Variants in SESTD1 observed in about 807,000 individuals in gnomAD.
SESTD1 encodes SEC14 domain and spectrin repeat-containing protein 1.
Under a neutral mutation model 101.7 loss-of-function variants are expected in SESTD1, and 43 were observed. That is an observed-to-expected ratio of 0.42 (90% CI 0.33 to 0.55). The LOEUF is 0.55. Among genes scored for constraint, SESTD1 ranks in the 20% least tolerant of loss-of-function variants. The pLI is 0.07. For missense variants in SESTD1, 647 were observed against 815.1 expected (o/e 0.79, Z 2.51); for synonymous variants, 283 against 286.8 (o/e 0.99, Z 0.13).
intron 1 of SESTD1, among the ~76,000 whole-genome samples, chr2:179,232,117 A>G (rs2046997319): frequency 1.3e-5 from 2 of 152,090 alleles, no homozygotes; most frequent in African/African-American, 4.8e-5. Context: ...ATATTAGGTA[A>G]TTTAAAAAGC....
chr2:179,133,222 C>G (rs1417732106), intron 9 of SESTD1, among the ~76,000 whole-genome samples: 2 of 152,106 alleles, frequency 1.3e-5, no homozygotes, highest in Non-Finnish European at 1.5e-5. Context: ...GGGAGACACT[C>G]TGGCATCAAA....
chr2:179,256,939 G>A (rs1409044497), intron 1 of SESTD1, among the ~76,000 whole-genome samples: 1 of 152,002 alleles, frequency 6.6e-6, no homozygotes, highest in Non-Finnish European at 1.5e-5. Flanking sequence ...GACAACAAAG[G>A]ATTTAGAATG....
At chr2:179,205,735 G>A (rs576403024) in intron 1 of SESTD1, among the ~76,000 whole-genome samples, 1 of 134,974 alleles carries the variant, frequency 7.4e-6, no homozygotes, top group African/African-American at 2.9e-5. Context: ...AGTTTTGTGG[G>A]TGTATAAGCC....
At chr2:179,233,308 G>A (rs1414963517) in intron 1 of SESTD1, among the ~76,000 whole-genome samples, 2 of 152,118 alleles carry the variant, frequency 1.3e-5, no homozygotes, top group Non-Finnish European at 2.9e-5. Context: ...CTAAGATTGA[G>A]CAAATAAGTA....
chr2:179,210,895 C>T (rs1171020203), intron 1 of SESTD1, among the ~76,000 whole-genome samples: 2 of 134,292 alleles, frequency 1.5e-5, no homozygotes, highest in Non-Finnish European at 1.6e-5. Context: ...CAAACTGTCA[C>T]TGTTTGTTGA....
At chr2:179,151,051 G>T (rs747192549) in intron 6 of SESTD1, among the ~76,000 whole-genome samples, 6 of 152,122 alleles carry the variant, frequency 3.9e-5, no homozygotes, top group Non-Finnish European at 7.4e-5. Context: ...TCAGGCCAAG[G>T]CAAGATTAAA....
chr2:179,140,846 T>C (rs1232704471), intron 9 of SESTD1, among the ~76,000 whole-genome samples: 1 of 152,168 alleles, frequency 6.6e-6, no homozygotes, highest in Non-Finnish European at 1.5e-5. Context: ...GACAGGGTTA[T>C]AACTCCTTCC....
intron 1 of SESTD1, among the ~76,000 whole-genome samples, chr2:179,197,139 G>A (rs1472609561): frequency 1.3e-5 from 2 of 152,080 alleles, no homozygotes; most frequent in African/African-American, 2.4e-5. Context: ...TGAAAACCAA[G>A]GCTCGAGAAC....
At chr2:179,242,738 T>A (rs2047173198) in intron 1 of SESTD1, among the ~76,000 whole-genome samples, 1 of 152,218 alleles carries the variant, frequency 6.6e-6, no homozygotes, top group Admixed American at 6.5e-5. Flanking sequence ...CTGGGATAAT[T>A]GGCTAGCCAC....
At position 179,112,751 on chromosome 2, in the gene SESTD1, A is replaced by T; in HGVS notation, c.1934T>A (p.Leu645Ter). Reference sequence around the variant, plus strand: ...ATCAGGATAAACTACTGGAACAGTTAATCTATCCAAAAGTGATTTCCCAAC... The same window carrying T: ...ATCAGGATAAACTACTGGAACAGTTTATCTATCCAAAAGTGATTTCCCAAC... ...EAVGKSLLDRLTVPVVYPDGT... is the reference protein window; with the variant it reads ...EAVGKSLLDR Residue 645 changes from leucine (L) to a stop codon, truncating the protein, a stop_gained, in exon 17 of 18, where the codon TTA becomes TAA. Transcript: ENST00000428443. LOFTEE classifies it high-confidence loss of function. 6.2e-7 allele frequency: 1 copy of T among 1,612,904 alleles called. No homozygotes were observed. The highest frequency in any genetic ancestry group is 1.3e-5 in the African/African-American group (1 of 75,052).
intron 1 of SESTD1, among the ~76,000 whole-genome samples, chr2:179,251,965 C>A (rs2047323703): frequency 6.6e-6 from 1 of 152,110 alleles, no homozygotes; most frequent in African/African-American, 2.4e-5. Context: ...GGACTAAGAC[C>A]AGATGTAAAT....
At chr2:179,217,170 A>C (rs1354369756) in intron 1 of SESTD1, among the ~76,000 whole-genome samples, 1 of 152,248 alleles carries the variant, frequency 6.6e-6, no homozygotes, top group Non-Finnish European at 1.5e-5. Flanking sequence ...GCATGGCAAA[A>C]GAAACTACCA....
At chr2:179,238,825 C>T (rs1574059215) in intron 1 of SESTD1, among the ~76,000 whole-genome samples, 1 of 152,134 alleles carries the variant, frequency 6.6e-6, no homozygotes, top group Non-Finnish European at 1.5e-5. Context: ...TATTTTTTCT[C>T]TATGTTCTTT....
At chr2:179,117,453 AG>A in intron 14 of SESTD1, 78 bp downstream of exon 14, 1 of 1,293,150 alleles carries the variant, frequency 7.7e-7, no homozygotes, top group Non-Finnish European at 1.1e-6. Context: ...GACCATGAAA[AG>A]TACACTTTTG....
chr2:179,260,703 C>A (rs1438297240), intron 1 of SESTD1, among the ~76,000 whole-genome samples: 1 of 152,018 alleles, frequency 6.6e-6, no homozygotes, highest in African/African-American at 2.4e-5. Context: ...GCATGGATAG[C>A]AAACTTAAAT....
chr2:179,170,023 T>C (rs902991021), intron 5 of SESTD1, among the ~76,000 whole-genome samples: 11 of 149,636 alleles, frequency 7.4e-5, no homozygotes, highest in African/African-American at 2.5e-4. Context: ...TTCTTGACCA[T>C]AGCTCACAAA....
intron 1 of SESTD1, among the ~76,000 whole-genome samples, chr2:179,245,117 G>A (rs556345198): frequency 1.3e-5 from 2 of 152,246 alleles, no homozygotes; most frequent in East Asian, 3.9e-4. Context: ...CATTTTGGGA[G>A]GTTAAGGCAG....
Position 179,146,904 on chromosome 2 carries a change from G to GGTGT in SESTD1, c.582-451_582-448dup, listed in dbSNP as rs71023470. ...TGAATATTCTGTCTTATATTCCAGG[G>GGTGT]GTGTGTGTGTGTGTGTGTGTGTGTG... On this transcript the variant is annotated intron_variant, in intron 7 of 17. Coordinates refer to ENST00000428443, the MANE Select transcript of SESTD1 (RefSeq NM_178123.5). Among the ~76,000 whole-genome samples the GGTGT allele has an allele frequency of 7.2e-3, 1,048 of 145,504 alleles. 7 individuals are homozygous for GGTGT. Among genetic ancestry groups the GGTGT allele is most frequent in the East Asian group, 0.026 (130 of 4,908 alleles).
chr2:179,198,674 T>C (rs552483676), intron 1 of SESTD1, among the ~76,000 whole-genome samples: 4,361 of 151,638 alleles, frequency 0.029, 89 homozygotes, highest in Admixed American at 0.036. Context: ...CTCAACTACA[T>C]GGAAACTGAA....
Sources: allele counts gnomAD v4.1 joint callset (sites outside exome capture counted in the v4.1 genomes callset), GRCh38; gene constraint gnomAD v4.1.1; transcripts MANE v1.5; gene names NCBI Gene and HGNC (gene_info 2026-07-23, HGNC 2026-07-21).